Variants in PCDH15 observed in about 807,000 individuals in gnomAD.
The protein encoded by PCDH15 is protocadherin related 15, also known as protocadherin-15.
A neutral mutation model predicts 178.5 loss-of-function variants in PCDH15; 129 were observed. The ratio of observed to expected loss-of-function variants is 0.72; its 90% CI spans 0.63 to 0.84. The LOEUF is 0.84. PCDH15 is among the 40% of genes least tolerant of loss of function. The pLI is 0.00. For synonymous variants in PCDH15, 800 were observed against 732.0 expected (o/e 1.09, Z -1.50); for missense variants, 2,230 against 2,099.9 (o/e 1.06, Z -1.21).
chr10:55,064,840 A>T (rs1035542966), intron 2 of PCDH15, among the ~76,000 whole-genome samples: 1 of 152,116 alleles, frequency 6.6e-6, no homozygotes, highest in South Asian at 2.1e-4. Flanking sequence ...AAAATAACAA[A>T]GGTGCTAAAC....
intron 17 of PCDH15, among the ~76,000 whole-genome samples, chr10:54,077,478 T>C (rs2135931237): frequency 6.6e-6 from 1 of 152,356 alleles, no homozygotes; most frequent in Non-Finnish European, 1.5e-5. Context: ...CTAATATTAC[T>C]GCCATTAGTT....
chr10:54,070,516 T>C (rs2094220012), intron 17 of PCDH15, among the ~76,000 whole-genome samples: 1 of 152,210 alleles, frequency 6.6e-6, no homozygotes, highest in African/African-American at 2.4e-5. Flanking sequence ...CTGTTGTAAT[T>C]TGAATACACA....
intron 21 of PCDH15, among the ~76,000 whole-genome samples, chr10:53,976,651 G>T (rs1354233953): frequency 6.6e-6 from 1 of 151,962 alleles, no homozygotes; most frequent in Non-Finnish European, 1.5e-5. Context: ...GTATGGTTTT[G>T]CAGCCTGTCT....
chr10:54,698,961 T>C (rs76438468), intron 1 of PCDH15, among the ~76,000 whole-genome samples: 3,019 of 152,234 alleles, frequency 0.02, 88 homozygotes, highest in African/African-American at 0.067. Flanking sequence ...TAATAAATTC[T>C]TCTTTGTCTT....
At chr10:54,976,964 G>A (rs910466895) in intron 2 of PCDH15, among the ~76,000 whole-genome samples, 12 of 152,112 alleles carry the variant, frequency 7.9e-5, no homozygotes, top group African/African-American at 2.9e-4. Flanking sequence ...GAAAGGTGGA[G>A]TTAGAATATT....
At chr10:55,276,264 C>G (rs1842593672) in intron 1 of PCDH15, among the ~76,000 whole-genome samples, 1 of 150,684 alleles carries the variant, frequency 6.6e-6, no homozygotes, top group Non-Finnish European at 1.5e-5. Context: ...GAAGTAGTGA[C>G]TATGGACATC....
intron 1 of PCDH15, among the ~76,000 whole-genome samples, chr10:55,214,249 T>C (rs1452719559): frequency 6.6e-6 from 1 of 152,024 alleles, no homozygotes; most frequent in African/African-American, 2.4e-5. Flanking sequence ...TAATATACAT[T>C]GAATAGTTAA....
intron 2 of PCDH15, among the ~76,000 whole-genome samples, chr10:54,965,441 G>A (rs367647392): frequency 6.6e-6 from 1 of 152,082 alleles, no homozygotes; most frequent in South Asian, 2.1e-4. Flanking sequence ...CATGTAAGAC[G>A]CGTCTTTGCT....
chr10:54,508,495 T>A (rs1056561868), intron 3 of PCDH15, among the ~76,000 whole-genome samples: 2 of 152,206 alleles, frequency 1.3e-5, no homozygotes, highest in South Asian at 2.1e-4. Context: ...CTACTAAATG[T>A]CATAGCATAA....
intron 14 of PCDH15, among the ~76,000 whole-genome samples, chr10:54,145,664 C>G (rs1042361066): frequency 6.6e-6 from 1 of 151,992 alleles, no homozygotes; most frequent in Non-Finnish European, 1.5e-5. Context: ...GGAAAACTCA[C>G]ATGTCAATTT....
intron 1 of PCDH15, among the ~76,000 whole-genome samples, chr10:54,715,823 C>A (rs2095473709): frequency 6.6e-6 from 1 of 152,120 alleles, no homozygotes; most frequent in Admixed American, 6.6e-5. Flanking sequence ...GCAGCAGTTT[C>A]TCTGCTTTTG....
chr10:53,822,028 A>G, intron 32 of PCDH15: 1 of 1,613,998 alleles, frequency 6.2e-7, no homozygotes. Context: ...ATTTGACTGT[A>G]CATGTTAGCT....
At chr10:54,363,809 A>T (rs577370025) in intron 5 of PCDH15, among the ~76,000 whole-genome samples, 1 of 152,222 alleles carries the variant, frequency 6.6e-6, no homozygotes, top group South Asian at 2.1e-4. Flanking sequence ...TGAACTTAAA[A>T]TAAATAAATA....
intron 3 of PCDH15, among the ~76,000 whole-genome samples, chr10:54,469,362 G>T (rs1457756095): frequency 6.6e-6 from 1 of 152,188 alleles, no homozygotes; most frequent in Non-Finnish European, 1.5e-5. Flanking sequence ...CTCCCAAAGT[G>T]CAGGGATTAC....
intron 15 of PCDH15, among the ~76,000 whole-genome samples, chr10:54,098,497 T>C (rs2094744406): frequency 6.6e-6 from 1 of 152,152 alleles, no homozygotes; most frequent in Non-Finnish European, 1.5e-5. Flanking sequence ...AAAAGATGAT[T>C]CCATAAGTAT....
intron 2 of PCDH15, among the ~76,000 whole-genome samples, chr10:54,623,226 ACT>A (rs2093443716): frequency 6.6e-6 from 1 of 151,878 alleles, no homozygotes; most frequent in Admixed American, 6.6e-5. Context: ...ATGAAGTAAA[ACT>A]CTTGTCCTAG....
intron 2 of PCDH15, among the ~76,000 whole-genome samples, chr10:55,000,108 G>A (rs1839764736): frequency 6.6e-6 from 1 of 152,126 alleles, no homozygotes; most frequent in Non-Finnish European, 1.5e-5. Context: ...AGGAGACATG[G>A]TTTGAGAGCA....
At chr10:54,266,756 C>T (rs545022555) in intron 8 of PCDH15, among the ~76,000 whole-genome samples, 99 of 151,704 alleles carry the variant, frequency 6.5e-4, no homozygotes, top group African/African-American at 2.3e-3. Flanking sequence ...CCAGGAAGAA[C>T]TTGAAACACT....
chr10:55,581,476 G>A (rs957376777), intron 2 of PCDH15, among the ~76,000 whole-genome samples: 1 of 110,348 alleles, frequency 9.1e-6, no homozygotes, highest in African/African-American at 3.9e-5. Flanking sequence ...TATGAAGGAG[G>A]TCTATTTGCT....
Sources: gnomAD v4.1 joint callset for allele counts (sites outside exome capture counted in the v4.1 genomes callset) on GRCh38, gnomAD v4.1.1 for gene constraint, MANE v1.5 for transcripts, NCBI Gene and HGNC (gene_info 2026-07-23, HGNC 2026-07-21) for gene names.